ARB2A: variants seen among roughly 807,000 people sequenced by gnomAD.
The protein encoded by ARB2A is ARB2 cotranscriptional regulator A.
chr5:93,631,221 T>C, the ARB2A span, among the ~76,000 whole-genome samples: 5 of 152,200 alleles, frequency 3.3e-5, no homozygotes. Context: ...ACAGCCTGCC[T>C]TGCTGTGGGT....
the ARB2A span, among the ~76,000 whole-genome samples, chr5:94,063,791 C>G: frequency 1.3e-5 from 2 of 152,120 alleles, no homozygotes; most frequent in East Asian, 3.9e-4. Flanking sequence ...TGACTGCACA[C>G]ACCCAGAATC....
At chr5:93,926,299 T>C in the ARB2A span, among the ~76,000 whole-genome samples, 57 of 152,142 alleles carry the variant, frequency 3.7e-4, 1 homozygote, top group African/African-American at 1.3e-3. Context: ...CCAGCTAATT[T>C]TGTATTTTTT....
the ARB2A span, among the ~76,000 whole-genome samples, chr5:93,706,548 T>C: frequency 6.6e-6 from 1 of 152,156 alleles, no homozygotes; most frequent in African/African-American, 2.4e-5. Context: ...ATGGTGAATT[T>C]CATGTTATGT....
chr5:93,723,469 GTCT>G, the ARB2A span, among the ~76,000 whole-genome samples: 1 of 152,006 alleles, frequency 6.6e-6, no homozygotes, highest in African/African-American at 2.4e-5. Flanking sequence ...TTTTGAATGG[GTCT>G]TTTATAGACA....
the ARB2A span, among the ~76,000 whole-genome samples, chr5:93,988,927 G>C: frequency 1.3e-5 from 2 of 152,094 alleles, no homozygotes; most frequent in African/African-American, 4.8e-5. Flanking sequence ...CTGGAGTCTA[G>C]AGTCTATTTT....
the ARB2A span, among the ~76,000 whole-genome samples, chr5:94,077,230 G>A: frequency 4.6e-5 from 7 of 151,926 alleles, no homozygotes; most frequent in Non-Finnish European, 4.4e-5. Flanking sequence ...AAAATCAGCC[G>A]AGTGTGGTGG....
At chr5:94,106,870 G>GAAAAAAAAAAAAAAAAAAA in the ARB2A span, among the ~76,000 whole-genome samples, 1 of 57,384 alleles carries the variant, frequency 1.7e-5, no homozygotes, top group Non-Finnish European at 3.5e-5. Flanking sequence ...AATCAATGCA[G>GAAAAAAAAAAAAAAAAAAA]AAAAAAAAAA....
the ARB2A span, among the ~76,000 whole-genome samples, chr5:93,756,849 C>T: frequency 5.3e-5 from 8 of 152,034 alleles, no homozygotes; most frequent in African/African-American, 1.9e-4. Flanking sequence ...CACTAGTTCA[C>T]CAGCAATGGA....
At chr5:93,706,574 T>C in the ARB2A span, among the ~76,000 whole-genome samples, 106 of 152,284 alleles carry the variant, frequency 7.0e-4, 1 homozygote, top group Admixed American at 1.5e-3. Flanking sequence ...TCCATAAAAA[T>C]TGTGGCCAGG....
At chr5:93,855,534 A>T in the ARB2A span, among the ~76,000 whole-genome samples, 1 of 152,068 alleles carries the variant, frequency 6.6e-6, no homozygotes, top group Non-Finnish European at 1.5e-5. Flanking sequence ...TCGTTAGTTG[A>T]TGCAGTTTCT....
chr5:93,955,799 C>T, the ARB2A span, among the ~76,000 whole-genome samples: 37 of 152,154 alleles, frequency 2.4e-4, 1 homozygote, highest in African/African-American at 8.7e-4. Flanking sequence ...TGGGTCATGG[C>T]GGGCCAGGAC....
At chr5:93,992,619 C>G in the ARB2A span, among the ~76,000 whole-genome samples, 1 of 151,992 alleles carries the variant, frequency 6.6e-6, no homozygotes, top group African/African-American at 2.4e-5. Flanking sequence ...TCTTTTCACT[C>G]AAACATTAAT....
chr5:93,764,287 T>C, the ARB2A span, among the ~76,000 whole-genome samples: 1 of 151,730 alleles, frequency 6.6e-6, no homozygotes, highest in African/African-American at 2.4e-5. Flanking sequence ...ATCAACAAAA[T>C]TGATTGACCG....
At chr5:93,741,603 T>C in the ARB2A span, 16 of 1,464,802 alleles carry the variant, frequency 1.1e-5, no homozygotes, top group East Asian at 2.5e-5. Flanking sequence ...TAGGAACTGA[T>C]GGCCCTCGAG....
At chr5:93,782,766 G>C in the ARB2A span, among the ~76,000 whole-genome samples, 1 of 152,076 alleles carries the variant, frequency 6.6e-6, no homozygotes, top group Non-Finnish European at 1.5e-5. Flanking sequence ...AAAATAACTT[G>C]CTTAAAACTA....
At chr5:93,899,854 T>C in the ARB2A span, among the ~76,000 whole-genome samples, 6 of 152,284 alleles carry the variant, frequency 3.9e-5, no homozygotes, top group African/African-American at 1.2e-4. Flanking sequence ...TATGGAGTAC[T>C]TGAAAACAAC....
the ARB2A span, among the ~76,000 whole-genome samples, chr5:94,041,936 A>AC: frequency 6.6e-4 from 67 of 100,972 alleles, 1 homozygote; most frequent in Middle Eastern, 5.0e-3. Flanking sequence ...GATTTTTCAC[A>AC]AAAAAAAAAT....
the ARB2A span, among the ~76,000 whole-genome samples, chr5:93,732,534 T>C: frequency 2.6e-5 from 4 of 151,972 alleles, no homozygotes; most frequent in African/African-American, 9.7e-5. Context: ...ATGGCAGGTG[T>C]CTTCACTCAC....
the ARB2A span, among the ~76,000 whole-genome samples, chr5:93,752,601 T>C: frequency 6.6e-6 from 1 of 152,112 alleles, no homozygotes; most frequent in Non-Finnish European, 1.5e-5. Flanking sequence ...AGACTACTTA[T>C]ATTCATTGGA....
Sources: allele counts gnomAD v4.1 joint callset (sites outside exome capture counted in the v4.1 genomes callset), GRCh38; gene constraint gnomAD v4.1.1; transcripts MANE v1.5; gene names NCBI Gene and HGNC (gene_info 2026-07-23, HGNC 2026-07-21).